TNIK: variants seen among roughly 807,000 people sequenced by gnomAD.
The protein encoded by TNIK is TRAF2 and NCK interacting kinase.
In TNIK, 49 loss-of-function variants were observed where a neutral mutation model predicts 191.3. That is an observed-to-expected ratio of 0.26 (90% confidence interval 0.20 to 0.32). TNIK has a LOEUF of 0.32. Among genes scored for constraint, TNIK ranks in the 10% least tolerant of loss-of-function variants. The pLI, the probability that TNIK is intolerant of heterozygous loss-of-function variation, is 1.00. For synonymous variants in TNIK, 594 were observed against 600.9 expected, an observed-to-expected ratio of 0.99 and a Z score of 0.17; for missense variants, 1,155 against 1,702.3, an observed-to-expected ratio of 0.68 and a Z score of 5.66.
intron 1 of TNIK, among the ~76,000 whole-genome samples, chr3:171,449,391 C>T (rs1481740951): frequency 6.6e-6 from 1 of 152,246 alleles, no homozygotes; most frequent in African/African-American, 2.4e-5. Context: ...TCCTATTTCT[C>T]CATGTCCTCC....
At chr3:171,072,068 G>T (rs569626708) in intron 28 of TNIK, among the ~76,000 whole-genome samples, 8 of 152,210 alleles carry the variant, frequency 5.3e-5, no homozygotes, top group Admixed American at 5.2e-4. Flanking sequence ...TCTTACCTAC[G>T]TGTGTGTCTC....
At chr3:171,339,524 G>A (rs1398645163) in intron 2 of TNIK, among the ~76,000 whole-genome samples, 3 of 152,218 alleles carry the variant, frequency 2.0e-5, no homozygotes, top group Admixed American at 2.0e-4. Flanking sequence ...TGAAGGCAGA[G>A]ATCTGCGTCT....
intron 1 of TNIK, among the ~76,000 whole-genome samples, chr3:171,372,997 G>C (rs1398116685): frequency 6.6e-6 from 1 of 152,130 alleles, no homozygotes; most frequent in Admixed American, 6.6e-5. Context: ...CCTCAGTACT[G>C]ACCCTAGGCT....
chr3:171,392,444 T>G (rs1719660197), intron 1 of TNIK, among the ~76,000 whole-genome samples: 1 of 152,190 alleles, frequency 6.6e-6, no homozygotes, highest in Non-Finnish European at 1.5e-5. Context: ...CAGCACTTCC[T>G]TCATCTTCCC....
intron 12 of TNIK, among the ~76,000 whole-genome samples, chr3:171,151,263 T>G (rs931413429): frequency 6.6e-6 from 1 of 152,250 alleles, no homozygotes; most frequent in African/African-American, 2.4e-5. Context: ...TAAGAACTAT[T>G]AGACATTTAT....
chr3:171,065,471 C>G (rs1718316927), intron 32 of TNIK, among the ~76,000 whole-genome samples: 1 of 152,216 alleles, frequency 6.6e-6, no homozygotes, highest in African/African-American at 2.4e-5. Flanking sequence ...GACAGCATTT[C>G]TATGTTGGCC....
In TNIK at chr3:171,460,181, C is replaced by A; in HGVS notation, c.-118G>T. On this transcript the variant is annotated 5_prime_UTR_variant, in exon 1 of 33. Transcript: ENST00000436636. The surrounding 1 kb of genome is among the most constrained non-coding windows in gnomAD (Gnocchi z 6.8). ...CGGGTGTCGCGCCAGAGGCCCCGGG[C>A]CCAGCCTCCCCCGCCCACCCCAGCC... is the stretch of plus-strand genomic sequence containing the variant. 1 of 1,276,006 alleles carries A rather than the reference C, an allele frequency of 7.8e-7. No homozygotes were observed. The highest frequency in any genetic ancestry group is 1.1e-6 in the Non-Finnish European group (1 of 915,818). 79.0% of individuals were successfully genotyped at this position (1,276,006 alleles called of 1,614,324 possible).
At chr3:171,380,027 GCGCACACACACACACACACA>G (rs1469009975) in intron 1 of TNIK, among the ~76,000 whole-genome samples, 2 of 147,206 alleles carry the variant, frequency 1.4e-5, no homozygotes, top group African/African-American at 5.2e-5. Flanking sequence ...ACACACACAC[GCGCACACACACACACACACA>G]CACACACACA....
chr3:171,324,163 G>A (rs984894004), intron 2 of TNIK, among the ~76,000 whole-genome samples: 2 of 151,966 alleles, frequency 1.3e-5, no homozygotes, highest in African/African-American at 2.4e-5. Context: ...GGGAGGAAGG[G>A]CAAAACCAAG....
chr3:171,339,863 T>C (rs1483502415), intron 2 of TNIK, among the ~76,000 whole-genome samples: 2 of 152,226 alleles, frequency 1.3e-5, no homozygotes, highest in Non-Finnish European at 2.9e-5. Flanking sequence ...CACCAGCTCA[T>C]GGGCCGGTTT....
chr3:171,300,727 T>C (rs772324467), intron 2 of TNIK, among the ~76,000 whole-genome samples: 1 of 152,212 alleles, frequency 6.6e-6, no homozygotes, highest in Non-Finnish European at 1.5e-5. Flanking sequence ...GTTCTTTTTA[T>C]GATTTTCTCA....
At chr3:171,368,404 A>G (rs1042510353) in intron 2 of TNIK, among the ~76,000 whole-genome samples, 2 of 152,164 alleles carry the variant, frequency 1.3e-5, no homozygotes, top group Admixed American at 6.5e-5. Context: ...CAATCTTCCA[A>G]CCTAATTATC....
chr3:171,437,630 G>A (rs1726190152), intron 1 of TNIK, among the ~76,000 whole-genome samples: 1 of 152,174 alleles, frequency 6.6e-6, no homozygotes, highest in Non-Finnish European at 1.5e-5. Context: ...CCAGAGGCAG[G>A]CCCTTCTCTG....
chr3:171,081,863 A>C (rs572806682), intron 27 of TNIK, among the ~76,000 whole-genome samples: 1 of 152,246 alleles, frequency 6.6e-6, no homozygotes, highest in East Asian at 1.9e-4. Flanking sequence ...TTGAGGGAAG[A>C]GACCAAGAAA....
chr3:171,213,709 A>G (rs1442354787), intron 3 of TNIK, among the ~76,000 whole-genome samples: 1 of 152,168 alleles, frequency 6.6e-6, no homozygotes, highest in African/African-American at 2.4e-5. Flanking sequence ...TATGACAATA[A>G]GGACAGCATA....
At chr3:171,151,002 A>G (rs933289265) in intron 12 of TNIK, among the ~76,000 whole-genome samples, 1 of 152,246 alleles carries the variant, frequency 6.6e-6, no homozygotes, top group African/African-American at 2.4e-5. Flanking sequence ...AAATAACAAT[A>G]AAATATTCAC....
chr3:171,094,741 G>T (rs984373535), intron 22 of TNIK, among the ~76,000 whole-genome samples: 3 of 152,126 alleles, frequency 2.0e-5, no homozygotes, highest in Admixed American at 2.0e-4. Flanking sequence ...TGCTTTCTGT[G>T]AGAAGTCTGC....
At chr3:171,450,216 C>A (rs1236273463) in intron 1 of TNIK, among the ~76,000 whole-genome samples, 1 of 152,298 alleles carries the variant, frequency 6.6e-6, no homozygotes, top group East Asian at 1.9e-4. Context: ...AGAATCGTAA[C>A]CTTTATTTTC....
chr3:171,222,739 T>C (rs141367595), intron 3 of TNIK, among the ~76,000 whole-genome samples: 1 of 152,282 alleles, frequency 6.6e-6, no homozygotes, highest in African/African-American at 2.4e-5. Context: ...AGGCTGGTCA[T>C]AAGCTTCACC....
Sources: allele counts gnomAD v4.1 joint callset (sites outside exome capture counted in the v4.1 genomes callset), GRCh38; gene constraint gnomAD v4.1.1; non-coding constraint Gnocchi (gnomAD v3.1); transcripts MANE v1.5; gene names NCBI Gene and HGNC (gene_info 2026-07-23, HGNC 2026-07-21).